TPP2: variants seen among roughly 807,000 people sequenced by gnomAD.
TPP2 encodes the protein tripeptidyl-peptidase 2.
Under a neutral mutation model 155.9 loss-of-function variants are expected in TPP2, and 34 were observed. The ratio of observed to expected loss-of-function variants is 0.22; its 90% CI spans 0.17 to 0.29. TPP2 has a LOEUF of 0.29. TPP2 is among the 10% of genes least tolerant of loss of function. TPP2 has a pLI of 1.00. For missense variants in TPP2, 1,028 were observed against 1,522.3 expected (o/e 0.68, Z 5.40); for synonymous variants, 510 against 529.4 (o/e 0.96, Z 0.50).
At chr13:102,673,331 T>C (rs1885097931) in intron 27 of TPP2, among the ~76,000 whole-genome samples, 2 of 152,192 alleles carry the variant, frequency 1.3e-5, no homozygotes, top group African/African-American at 4.8e-5. Context: ...TCTTTCAGAG[T>C]CACTCTTAGC....
chr13:102,672,384 A>G (rs572697293), intron 27 of TPP2, among the ~76,000 whole-genome samples: 1 of 152,302 alleles, frequency 6.6e-6, no homozygotes, highest in East Asian at 1.9e-4. Flanking sequence ...GAGGAAACCA[A>G]TTTATCTAGA....
At chr13:102,624,852 CTTTTTTTTTTTTT>C (rs1029486604) in intron 6 of TPP2, among the ~76,000 whole-genome samples, 4 of 83,424 alleles carry the variant, frequency 4.8e-5, no homozygotes, top group Admixed American at 1.6e-4. Context: ...TTTTTTTTTC[CTTTTTTTTTTTTT>C]TTTTTTTTTT....
chr13:102,657,267 C>T lies in TPP2; in HGVS notation c.3143+60C>T, dbSNP rs1883920092. On this transcript the variant is annotated intron_variant, in intron 25 of 29. Coordinates refer to ENST00000376052, the MANE Select transcript of TPP2 (RefSeq NM_001330588.2). Reference sequence around the variant, plus strand: ...TTTAGTTCTATTTTCCCAACTATAACAATATTGTGTATATATACATAGACC... The same window carrying T: ...TTTAGTTCTATTTTCCCAACTATAATAATATTGTGTATATATACATAGACC... 5 of 1,428,940 alleles carry T rather than the reference C, an allele frequency of 3.5e-6. No homozygotes were observed. The East Asian group carries it at 1.2e-4, about 34-fold the overall frequency. 88.5% of individuals were successfully genotyped at this position (1,428,940 alleles called of 1,614,324 possible). A position where few individuals can be genotyped will look rare whatever the true frequency, so the allele number is the denominator to read the frequency against.
rs1430208279 is a variant in TPP2, at chr13:102,678,978, G to A, written c.*662G>A. 1 of 152,422 alleles carries A rather than the reference G, an allele frequency of 6.6e-6. No individual in the cohort carries two copies. Among genetic ancestry groups the A allele is most frequent in the Non-Finnish European group, 1.5e-5 (1 of 68,000 alleles). 9.4% of individuals were successfully genotyped at this position (152,422 alleles called of 1,614,324 possible). ...TTCAGAGCATCAGAATGAACTCTAT[G>A]AATACATGTGTAAGTGCCAGACAGC... On this transcript the variant is annotated 3_prime_UTR_variant, in exon 30 of 30. Coordinates refer to ENST00000376052, the MANE Select transcript of TPP2 (RefSeq NM_001330588.2).
At chr13:102,659,552 G>A (rs943730687) in intron 25 of TPP2, among the ~76,000 whole-genome samples, 2 of 152,188 alleles carry the variant, frequency 1.3e-5, no homozygotes, top group Non-Finnish European at 2.9e-5. Context: ...TCAGAAAGCA[G>A]TGGGATAATA....
At chr13:102,668,130 A>C (rs760615649) in intron 27 of TPP2, among the ~76,000 whole-genome samples, 2 of 152,182 alleles carry the variant, frequency 1.3e-5, no homozygotes, top group African/African-American at 2.4e-5. Flanking sequence ...AAATGATCAA[A>C]GGTTGGTTTT....
chr13:102,657,853 T>G (rs138527697), intron 25 of TPP2, among the ~76,000 whole-genome samples: 1 of 152,280 alleles, frequency 6.6e-6, no homozygotes, highest in East Asian at 1.9e-4. Flanking sequence ...TAATTTACAC[T>G]CCATCTAGCT....
At chr13:102,639,101 G>C (rs1008950321) in intron 15 of TPP2, among the ~76,000 whole-genome samples, 1 of 152,132 alleles carries the variant, frequency 6.6e-6, no homozygotes, top group African/African-American at 2.4e-5. Context: ...TCTGCTTCGT[G>C]GCACATTTTA....
chr13:102,666,410 G>C (rs145545105), intron 27 of TPP2, among the ~76,000 whole-genome samples: 4 of 152,166 alleles, frequency 2.6e-5, no homozygotes, highest in Admixed American at 2.6e-4. Context: ...TCTGTCTCAG[G>C]GTGATCATTG....
chr13:102,642,142 G>T (rs967599644), intron 16 of TPP2, among the ~76,000 whole-genome samples: 3 of 152,148 alleles, frequency 2.0e-5, no homozygotes, highest in Non-Finnish European at 2.9e-5. Context: ...TTAGTCTGTT[G>T]TAAGGATTAG....
chr13:102,600,216 C>A (rs1595123920), intron 1 of TPP2, among the ~76,000 whole-genome samples: 2 of 152,158 alleles, frequency 1.3e-5, no homozygotes, highest in Admixed American at 6.6e-5. Flanking sequence ...TTCATTCTTA[C>A]ACTCACCTAG....
At position 102,597,064 on chromosome 13, in the gene TPP2, C is replaced by A; in HGVS notation, c.26C>A (p.Pro9His). 6.2e-7 allele frequency: 1 copy of A among 1,612,018 alleles called. No homozygotes were observed. Among genetic ancestry groups the A allele is most frequent in the Non-Finnish European group, 8.5e-7 (1 of 1,179,550 alleles). ...ATGGCCACCGCTGCGACTGAGGAGC[C>A]CTTCCCTTTTCACGGTCTCCTGCCG... MATAATEE[P>H]FPFHGLLPKK... Residue 9 changes from proline to histidine, a missense_variant, in exon 1 of 30, where the codon CCC becomes CAC. By Grantham distance (77) the Pro-to-His change is moderately conservative (BLOSUM62 -2). Transcript: ENST00000376052.
At chr13:102,614,222 G>A (rs1880543081) in intron 3 of TPP2, 26 bp downstream of exon 3, 1 of 1,529,866 alleles carries the variant, frequency 6.5e-7, no homozygotes, top group Admixed American at 1.9e-5. Flanking sequence ...GTACCAATGA[G>A]TTGTATTCTT....
At chr13:102,676,658 C>T (rs569696532) in intron 29 of TPP2, among the ~76,000 whole-genome samples, 2 of 152,290 alleles carry the variant, frequency 1.3e-5, no homozygotes, top group Admixed American at 1.3e-4. Context: ...ATGTTTTCAA[C>T]AAGGGCAAAT....
At chr13:102,607,470 A>G (rs998972646) in intron 2 of TPP2, among the ~76,000 whole-genome samples, 9 of 152,180 alleles carry the variant, frequency 5.9e-5, no homozygotes, top group Admixed American at 2.0e-4. Flanking sequence ...TGTTATTAGA[A>G]TATGTTTCAA....
intron 27 of TPP2, among the ~76,000 whole-genome samples, chr13:102,672,877 G>C (rs138985837): frequency 6.6e-6 from 1 of 152,272 alleles, no homozygotes; most frequent in East Asian, 1.9e-4. Context: ...CTACAAAAAG[G>C]CAGTGAAAGT....
Position 102,614,069 on chromosome 13 carries a change from G to A in TPP2, c.295-32G>A, listed in dbSNP as rs1445864854. ...TCATTGGAATTGGAAAGCATTTAGT[G>A]AATGAACAGGTTACTCTTTTTTTTT... On this transcript the variant is annotated intron_variant, in intron 2 of 29. Coordinates refer to ENST00000376052, the MANE Select transcript of TPP2 (RefSeq NM_001330588.2). 4.4e-6 allele frequency: 7 copies of A among 1,590,624 alleles called. No homozygotes were observed. In the Admixed American group the frequency reaches 1.2e-4, roughly 27 times the overall value.
At chr13:102,660,519 A>T (rs1303066964) in intron 25 of TPP2, among the ~76,000 whole-genome samples, 1 of 152,232 alleles carries the variant, frequency 6.6e-6, no homozygotes, top group African/African-American at 2.4e-5. Context: ...TGGAAAAGGT[A>T]TTCTTTGTCT....
chr13:102,631,166 T>C (rs1881994686), intron 10 of TPP2: 1 of 152,214 alleles, frequency 6.6e-6, no homozygotes, highest in Non-Finnish European at 1.5e-5. Context: ...ATGTTTGAAG[T>C]ATAAGATTAG....
Sources: allele counts gnomAD v4.1 joint callset (sites outside exome capture counted in the v4.1 genomes callset), GRCh38; gene constraint gnomAD v4.1.1; transcripts MANE v1.5; gene names NCBI Gene and HGNC (gene_info 2026-07-23, HGNC 2026-07-21).